The following SNX25 variants were observed in gnomAD, a reference collection of about 807,000 sequenced individuals.
SNX25 encodes the protein sorting nexin-25.
A neutral mutation model predicts 113.7 loss-of-function variants in SNX25; 62 were observed. The observed-to-expected ratio is 0.55, with a 90% CI of 0.44 to 0.67. The LOEUF is 0.67. Among genes scored for constraint, SNX25 ranks in the 30% least tolerant of loss-of-function variants. The probability of loss-of-function intolerance (pLI) is 0.00; values close to 1 mark genes in which losing one functional copy is unlikely to be tolerated. For missense variants in SNX25, 1,014 were observed against 1,161.0 expected, an observed-to-expected ratio of 0.87 and a Z score of 1.84; for synonymous variants, 421 against 436.2, an observed-to-expected ratio of 0.97 and a Z score of 0.43.
chr4:185,363,553 A>T lies in SNX25; in HGVS notation c.*88A>T. On this transcript the variant is annotated 3_prime_UTR_variant, in exon 19 of 19. Coordinates refer to ENST00000652585, the MANE Select transcript of SNX25 (RefSeq NM_001378034.2). The surrounding 1 kb of genome is among the most constrained non-coding windows in gnomAD (Gnocchi z 4.2). ...TTTTCCACAGAGGGCTTAACTGAGA[A>T]CCGTATTGATTTTTATTTTAGTTAC... 5 of 1,251,170 alleles carry T rather than the reference A, an allele frequency of 4.0e-6. No individual in the cohort carries two copies. Among genetic ancestry groups the T allele is most frequent in the Admixed American group, 1.8e-5 (1 of 54,386 alleles). 77.5% of individuals were successfully genotyped at this position (1,251,170 alleles called of 1,614,324 possible). A position where few individuals can be genotyped will look rare whatever the true frequency, so the allele number is the denominator to read the frequency against.
At chr4:185,238,074 A>AAT (rs1159820426) in intron 1 of SNX25, among the ~76,000 whole-genome samples, 1 of 151,506 alleles carries the variant, frequency 6.6e-6, no homozygotes, top group Non-Finnish European at 1.5e-5. Flanking sequence ...AAAAAAAAAA[A>AAT]AAAAAAAAAA....
Position 185,264,444 on chromosome 4 carries a change from A to G in SNX25, c.738A>G (p.Glu246=), listed in dbSNP as rs1747768411. 1 of 1,612,248 alleles carries G rather than the reference A, an allele frequency of 6.2e-7. No homozygotes were observed. The highest frequency in any genetic ancestry group is 8.5e-7 in the Non-Finnish European group (1 of 1,179,606). The change falls in exon 4 of 19, where the codon GAA becomes GAG. Residue 246 remains glutamate (E), a synonymous_variant. Coordinates refer to ENST00000652585, the MANE Select transcript of SNX25 (RefSeq NM_001378034.2). ...TTTCACTCTCTTTATTTAGACATGA[A>G]GAACAGCCAAGACCTTTTGTGTTGC... The part of the protein sequence containing the change: ...CDLKAANARH[E]EQPRPFVLHA...
chr4:185,224,556 T>A (rs964115383), intron 1 of SNX25, among the ~76,000 whole-genome samples: 9 of 111,814 alleles, frequency 8.0e-5, no homozygotes, highest in East Asian at 3.1e-4. Context: ...TACATATATA[T>A]AAATATATAT....
chr4:185,241,127 A>T (rs1357245129), intron 1 of SNX25, among the ~76,000 whole-genome samples: 1 of 151,622 alleles, frequency 6.6e-6, no homozygotes, highest in African/African-American at 2.4e-5. Flanking sequence ...CAAGGCAGGC[A>T]GCTGGGAGGT....
chr4:185,349,424 T>C (rs551103162), intron 13 of SNX25, among the ~76,000 whole-genome samples: 1 of 152,346 alleles, frequency 6.6e-6, no homozygotes, highest in East Asian at 1.9e-4. Context: ...TTTGGATGTA[T>C]ATCCAGTACT....
intron 7 of SNX25, among the ~76,000 whole-genome samples, chr4:185,319,778 C>G (rs2095105789): frequency 6.6e-6 from 1 of 152,134 alleles, no homozygotes; most frequent in African/African-American, 2.4e-5. Context: ...TTTAAATATT[C>G]AGTAAGCTTT....
chr4:185,276,941 G>A (rs966747516), intron 5 of SNX25, among the ~76,000 whole-genome samples: 1 of 152,188 alleles, frequency 6.6e-6, no homozygotes, highest in African/African-American at 2.4e-5. Flanking sequence ...AGGAGTAGGC[G>A]AAGGGTTGAG....
Position 185,339,501 on chromosome 4 carries a change from C to T in SNX25, c.2037C>T (p.Thr679=). The part of the protein sequence containing the change: ...ENLGMWKASI[T]SGEVTEENGE... ...TTGGCATGTGGAAAGCCTCCATCAC[C>T]AGTGGAGAGGTAGTTTTGACTGCTT... Residue 679 remains threonine (T), a synonymous_variant, in exon 11 of 19, where the codon ACC becomes ACT. Coordinates refer to ENST00000652585, the MANE Select transcript of SNX25 (RefSeq NM_001378034.2). The T allele has an allele frequency of 6.2e-7, 1 of 1,612,194 alleles. No individual in the cohort carries two copies. Among genetic ancestry groups the T allele is most frequent in the Non-Finnish European group, 8.5e-7 (1 of 1,179,190 alleles).
At chr4:185,240,504 CGGCTGGCTGGGCGGGGGGCTG>C (rs1560923470) in intron 1 of SNX25, among the ~76,000 whole-genome samples, 7 of 148,182 alleles carry the variant, frequency 4.7e-5, no homozygotes, top group African/African-American at 1.5e-4. Flanking sequence ...CCGGATGGGG[CGGCTGGCTGGGCGGGGGGCTG>C]ACCCCCCCAC....
intron 2 of SNX25, among the ~76,000 whole-genome samples, 182 bp downstream of exon 2, chr4:185,247,560 A>G (rs1369268276): frequency 6.6e-6 from 1 of 152,228 alleles, no homozygotes; most frequent in African/African-American, 2.4e-5. Context: ...TAAGGGATTT[A>G]CACGTTTGTT....
chr4:185,308,719 AC>A (rs1754836264), intron 6 of SNX25, among the ~76,000 whole-genome samples: 1 of 152,146 alleles, frequency 6.6e-6, no homozygotes, highest in African/African-American at 2.4e-5. Context: ...GGATATATTT[AC>A]GATCTCCCTT....
chr4:185,360,931 A>T (rs1183007836), intron 16 of SNX25, among the ~76,000 whole-genome samples: 1 of 68,828 alleles, frequency 1.5e-5, no homozygotes, highest in African/African-American at 9.2e-5. Context: ...AAAAAAAATA[A>T]TATATATATA....
intron 1 of SNX25, among the ~76,000 whole-genome samples, chr4:185,237,782 G>A (rs1015413524): frequency 6.6e-6 from 1 of 151,834 alleles, no homozygotes; most frequent in Non-Finnish European, 1.5e-5. Flanking sequence ...AATCAGGCCG[G>A]GTATGGTTGG....
intron 9 of SNX25, 29 bp downstream of exon 9, chr4:185,323,829 T>G: frequency 1.2e-6 from 2 of 1,605,980 alleles, no homozygotes; most frequent in South Asian, 1.1e-5. Context: ...TCTGCTCCTT[T>G]TTATTGGATA....
At chr4:185,378,337 C>A in the SNX25 span, 1 of 1,443,652 alleles carries the variant, frequency 6.9e-7, no homozygotes, top group Non-Finnish European at 9.1e-7. Flanking sequence ...GAACACCAAC[C>A]ACCAACTCCA....
chr4:185,319,441 T>G (rs1459631800), intron 7 of SNX25, among the ~76,000 whole-genome samples: 23 of 150,404 alleles, frequency 1.5e-4, no homozygotes, highest in Non-Finnish European at 3.0e-4. Context: ...TCAGGTGATC[T>G]GCCCGCCTTG....
chr4:185,296,256 C>T (rs112985839), intron 6 of SNX25, among the ~76,000 whole-genome samples: 1,717 of 152,218 alleles, frequency 0.011, 21 homozygotes, highest in South Asian at 0.049. Flanking sequence ...TTGGAGGGGA[C>T]ACAAACATTC....
chr4:185,269,889 T>C (rs1748668710), intron 5 of SNX25, among the ~76,000 whole-genome samples: 1 of 152,180 alleles, frequency 6.6e-6, no homozygotes, highest in Admixed American at 6.5e-5. Context: ...GAACTAGTTA[T>C]TTTGAATGAT....
chr4:185,371,521 A>G (rs4861663), downstream of SNX25, among the ~76,000 whole-genome samples: 23,343 of 143,352 alleles, frequency 0.16, 2,223 homozygotes, highest in African/African-American at 0.26. Flanking sequence ...CAGCCTGGGC[A>G]ACAGAGCGAG....
Sources: gnomAD v4.1 joint callset for allele counts (sites outside exome capture counted in the v4.1 genomes callset) on GRCh38, gnomAD v4.1.1 for gene constraint, Gnocchi (gnomAD v3.1) non-coding constraint, MANE v1.5 for transcripts, NCBI Gene and HGNC (gene_info 2026-07-23, HGNC 2026-07-21) for gene names.